The following DENND2A variants were observed in gnomAD, a reference collection of about 807,000 sequenced individuals.
DENND2A encodes DENN domain-containing protein 2A.
In DENND2A, 53 loss-of-function variants were observed where a neutral mutation model predicts 105.3. That is an observed-to-expected ratio of 0.50 (90% CI 0.40 to 0.63). DENND2A has a LOEUF of 0.63. DENND2A is among the 30% of genes least tolerant of loss of function. The pLI is 0.00. For synonymous variants in DENND2A, 522 were observed against 508.4 expected (o/e 1.03, Z -0.36); for missense variants, 1,138 against 1,279.6 (o/e 0.89, Z 1.69).
intron 9 of DENND2A, among the ~76,000 whole-genome samples, chr7:140,564,737 A>G (rs912803120): frequency 1.3e-5 from 2 of 152,232 alleles, no homozygotes; most frequent in Non-Finnish European, 2.9e-5. Context: ...ATGGTGAGTC[A>G]TTAATTAACT....
intron 9 of DENND2A, among the ~76,000 whole-genome samples, chr7:140,562,502 A>C (rs1797665743): frequency 6.6e-6 from 1 of 152,082 alleles, no homozygotes; most frequent in Non-Finnish European, 1.5e-5. Flanking sequence ...TCTACTAAAA[A>C]TACAAAAAAA....
intron 9 of DENND2A, among the ~76,000 whole-genome samples, chr7:140,563,283 C>G (rs139072444): frequency 6.6e-6 from 1 of 152,154 alleles, no homozygotes; most frequent in Admixed American, 6.6e-5. Context: ...CACACTTGTG[C>G]CTACCCACAC....
At chr7:140,572,435 C>T (rs1232102180) in intron 6 of DENND2A, among the ~76,000 whole-genome samples, 1 of 151,946 alleles carries the variant, frequency 6.6e-6, no homozygotes, top group African/African-American at 2.4e-5. Flanking sequence ...CCCCTAAAGC[C>T]CATCCATGAA....
intron 14 of DENND2A, among the ~76,000 whole-genome samples, chr7:140,534,389 A>T (rs942181075): frequency 6.6e-6 from 1 of 152,110 alleles, no homozygotes; most frequent in African/African-American, 2.4e-5. Context: ...AGCCCACATC[A>T]ATGTTCTAAA....
intron 14 of DENND2A, among the ~76,000 whole-genome samples, chr7:140,539,116 G>A (rs573067843): frequency 7.2e-5 from 11 of 152,218 alleles, no homozygotes; most frequent in Non-Finnish European, 1.2e-4. Context: ...GAGCAACTGC[G>A]CTTGGCCTAA....
chr7:140,550,852 C>T (rs1168567855), intron 12 of DENND2A, among the ~76,000 whole-genome samples: 3 of 151,780 alleles, frequency 2.0e-5, no homozygotes, highest in Non-Finnish European at 4.4e-5. Flanking sequence ...GTAATGGCAC[C>T]GAACTGTTAA....
At chr7:140,619,130 C>G (rs2130716750) in intron 1 of DENND2A, among the ~76,000 whole-genome samples, 1 of 152,198 alleles carries the variant, frequency 6.6e-6, no homozygotes, top group East Asian at 1.9e-4. Context: ...GGGAATATAT[C>G]CTAACAAAAT....
chr7:140,624,868 GTTTTTTTTTT>G (rs1367069950), intron 1 of DENND2A, among the ~76,000 whole-genome samples: 1 of 109,218 alleles, frequency 9.2e-6, no homozygotes, highest in Non-Finnish European at 1.9e-5. Flanking sequence ...GTTTTTTTTT[GTTTTTTTTTT>G]TTTGCTTTTT....
At chr7:140,540,047 G>A (rs1237431759) in intron 14 of DENND2A, among the ~76,000 whole-genome samples, 1 of 152,240 alleles carries the variant, frequency 6.6e-6, no homozygotes, top group Non-Finnish European at 1.5e-5. Context: ...ATGCTCAGGG[G>A]TCCCCCCTAC....
chr7:140,556,538 C>T (rs1404074373), intron 11 of DENND2A, among the ~76,000 whole-genome samples: 1 of 152,020 alleles, frequency 6.6e-6, no homozygotes, highest in Non-Finnish European at 1.5e-5. Context: ...TAGGGTTTCA[C>T]CATGTTGGCC....
intron 1 of DENND2A, among the ~76,000 whole-genome samples, chr7:140,608,709 G>A (rs1799782361): frequency 6.6e-6 from 1 of 151,382 alleles, no homozygotes; most frequent in South Asian, 2.1e-4. Context: ...ATTAAGTAAC[G>A]AACCCAGCCG....
In DENND2A at chr7:140,559,958, G is replaced by T; in HGVS notation, c.1780-141C>A. On this transcript the variant is annotated intron_variant, in intron 9 of 19. Transcript: ENST00000496613. This position sits in a 1 kb window ranked among gnomAD's most constrained non-coding sequence, Gnocchi z 4.1. The stretch of plus-strand genomic sequence containing the variant: ...CCTCTTCCCTTGGGAAGAGCTTGCA[G>T]CTCAGTCGGCTGGGGCATTTTCCCC... The T allele has an allele frequency of 1.4e-6, 1 of 698,516 alleles. No individual in the cohort carries two copies. Among genetic ancestry groups the T allele is most frequent in the Non-Finnish European group, 2.6e-6 (1 of 390,620 alleles). 43.3% of individuals were successfully genotyped at this position (698,516 alleles called of 1,614,324 possible). A position where few individuals can be genotyped will look rare whatever the true frequency, so the allele number is the denominator to read the frequency against.
At chr7:140,576,711 T>C (rs1798314551) in intron 5 of DENND2A, among the ~76,000 whole-genome samples, 1 of 152,152 alleles carries the variant, frequency 6.6e-6, no homozygotes, top group East Asian at 1.9e-4. Context: ...TTATCACAGG[T>C]CTCCAAGGAG....
At chr7:140,595,692 C>T (rs1029598219) in intron 3 of DENND2A, among the ~76,000 whole-genome samples, 11 of 151,978 alleles carry the variant, frequency 7.2e-5, no homozygotes, top group African/African-American at 2.7e-4. Flanking sequence ...TCACTTGGCC[C>T]AGGAGGCGGA....
At chr7:140,580,695 G>C (rs147440159) in intron 5 of DENND2A, among the ~76,000 whole-genome samples, 3,450 of 152,014 alleles carry the variant, frequency 0.023, 139 homozygotes, top group African/African-American at 0.079. Flanking sequence ...GGAGTGTAGT[G>C]GTGCAATCTC....
At chr7:140,592,903 C>T (rs1022476293) in intron 3 of DENND2A, among the ~76,000 whole-genome samples, 2 of 152,132 alleles carry the variant, frequency 1.3e-5, no homozygotes, top group Non-Finnish European at 1.5e-5. Flanking sequence ...ATGCCCGGAC[C>T]ACCTAGCATT....
intron 13 of DENND2A, among the ~76,000 whole-genome samples, chr7:140,546,152 G>A (rs529425291): frequency 6.6e-6 from 1 of 152,138 alleles, no homozygotes; most frequent in Non-Finnish European, 1.5e-5. Context: ...GGGCGCGGTG[G>A]CTCACGCCTG....
At chr7:140,595,881 CAG>C (rs937394259) in intron 3 of DENND2A, among the ~76,000 whole-genome samples, 5 of 152,158 alleles carry the variant, frequency 3.3e-5, no homozygotes, top group African/African-American at 1.2e-4. Context: ...CTCCAGCTGC[CAG>C]AGTCTTTCTG....
chr7:140,595,259 G>A (rs1799236592), intron 3 of DENND2A, among the ~76,000 whole-genome samples: 1 of 149,000 alleles, frequency 6.7e-6, no homozygotes, highest in South Asian at 2.2e-4. Context: ...TGCCCACCTC[G>A]GCCTCCCAAA....
Sources: allele counts gnomAD v4.1 joint callset (sites outside exome capture counted in the v4.1 genomes callset), GRCh38; gene constraint gnomAD v4.1.1; non-coding constraint Gnocchi (gnomAD v3.1); transcripts MANE v1.5; gene names NCBI Gene and HGNC (gene_info 2026-07-23, HGNC 2026-07-21).